Variants in GNG7 observed in about 807,000 individuals in gnomAD.
The protein encoded by GNG7 is guanine nucleotide-binding protein G(I)/G(S)/G(O) subunit gamma-7.
A neutral mutation model predicts 4.0 loss-of-function variants in GNG7; 1 was observed. The observed-to-expected ratio is 0.25, with a 90% CI of 0.09 to 1.18. GNG7 has a LOEUF of 1.18. Ranked by LOEUF, GNG7 falls within the 50% of genes most tolerant of loss-of-function variation. The pLI is 0.50. For synonymous variants in GNG7, 34 were observed against 36.9 expected (o/e 0.92, Z 0.29); for missense variants, 86 against 91.9 (o/e 0.94, Z 0.26).
Position 2,618,558 on chromosome 19 carries a change from A to T in GNG7, c.-78+27666T>A, listed in dbSNP as rs1395826700. Among the ~76,000 whole-genome samples, 1 of 151,954 alleles carries T rather than the reference A, an allele frequency of 6.6e-6. No homozygotes were observed. Among genetic ancestry groups the T allele is most frequent in the Non-Finnish European group, 1.5e-5 (1 of 68,006 alleles). ...GAGACGGGGTTTCGCCATGTTGTCC[A>T]GGCTGGTCTCGAACTCCTGACCTCA... On this transcript the variant is annotated intron_variant, in intron 2 of 4. Coordinates refer to ENST00000382159, the MANE Select transcript of GNG7 (RefSeq NM_052847.3). The surrounding 1 kb of genome is among the most constrained non-coding windows in gnomAD (Gnocchi z 5.1).
chr19:2,661,270 A>AAAGAAAAGAAAGAAAGAAAGG lies in GNG7; in HGVS notation c.-134-14991_-134-14990insCCTTTCTTTCTTTCTTTTCTT, dbSNP rs1568277669. On this transcript the variant is annotated intron_variant, in intron 1 of 4. Coordinates refer to ENST00000382159, the MANE Select transcript of GNG7 (RefSeq NM_052847.3). ...AAAAGAAAGAAAGAAAGAAAGAAAG[A>AAAGAAAAGAAAGAAAGAAAGG]AAAGAAAGAAAGAAAGAAAGAAAGA... 4.2e-5 allele frequency among the ~76,000 whole-genome samples: 3 copies of AAAGAAAAGAAAGAAAGAAAGG among 70,928 alleles called. 1 individual carries two copies. The highest frequency in any genetic ancestry group is 1.9e-4 in the African/African-American group (3 of 15,400). The allele number at this position is 70,928 out of a possible 152,430, so 46.5% of individuals were successfully genotyped here.
In GNG7 at chr19:2,557,911, G is replaced by C. The variant is rs777718162; in HGVS notation, c.-77-2723C>G. On this transcript the variant is annotated intron_variant, in intron 2 of 4. Coordinates refer to ENST00000382159, the MANE Select transcript of GNG7 (RefSeq NM_052847.3). The surrounding 1 kb of genome is among the most constrained non-coding windows in gnomAD (Gnocchi z 5.1). ...GGCTGGACTGCAGTAGTGCGATCTC[G>C]GCTCACTGCAACCTCTGCCTCCTGG... Among the ~76,000 whole-genome samples, 2 of 151,720 alleles carry C rather than the reference G, an allele frequency of 1.3e-5. No homozygotes were observed. Among genetic ancestry groups the C allele is most frequent in the Non-Finnish European group, 2.9e-5 (2 of 67,944 alleles).
chr19:2,696,806 A>AG (rs1041153873), intron 1 of GNG7, among the ~76,000 whole-genome samples: 6 of 152,042 alleles, frequency 3.9e-5, no homozygotes, highest in African/African-American at 1.4e-4. Flanking sequence ...GGGCTGGGGG[A>AG]GGGGGTGGAG....
chr19:2,695,724 C>T (rs965693306), intron 1 of GNG7, among the ~76,000 whole-genome samples: 4 of 152,144 alleles, frequency 2.6e-5, no homozygotes, highest in South Asian at 2.1e-4. Context: ...GGGAAGTGAC[C>T]GTCTGATCAG....
Position 2,526,012 on chromosome 19 carries a change from C to T in GNG7, c.-37-5287G>A, listed in dbSNP as rs548167896. Among the ~76,000 whole-genome samples, 4 of 116,782 alleles carry T rather than the reference C, an allele frequency of 3.4e-5. No individual in the cohort carries two copies. The South Asian group carries it at 8.7e-4, about 25-fold the overall frequency. The allele number at this position is 116,782 out of a possible 152,430, so 76.6% of individuals were successfully genotyped here. A position where few individuals can be genotyped will look rare whatever the true frequency, so the allele number is the denominator to read the frequency against. On this transcript the variant is annotated intron_variant, in intron 3 of 4. Coordinates refer to ENST00000382159, the MANE Select transcript of GNG7 (RefSeq NM_052847.3). Reference sequence around the variant, plus strand: ...TTGAGACAGAGTCTGGCTCTGTCTCCGAGGCTGGAGTGCAGTGGCGCGATC... The same window carrying T: ...TTGAGACAGAGTCTGGCTCTGTCTCTGAGGCTGGAGTGCAGTGGCGCGATC...
chr19:2,534,803 C>T (rs957565146), intron 3 of GNG7, among the ~76,000 whole-genome samples: 2 of 152,258 alleles, frequency 1.3e-5, no homozygotes, highest in Non-Finnish European at 2.9e-5. Flanking sequence ...GATGTTTCCA[C>T]TGGAGTCCAA....
At chr19:2,524,200 G>A (rs1027057659) in intron 3 of GNG7, among the ~76,000 whole-genome samples, 1 of 152,214 alleles carries the variant, frequency 6.6e-6, no homozygotes, top group African/African-American at 2.4e-5. Flanking sequence ...GCCACCGCCC[G>A]CAATTTCCAT....
intron 2 of GNG7, among the ~76,000 whole-genome samples, chr19:2,632,290 G>T (rs532173758): frequency 5.3e-5 from 8 of 152,040 alleles, no homozygotes; most frequent in Non-Finnish European, 1.2e-4. Context: ...TTAGCCAGGC[G>T]TGGTGTCAGG....
intron 3 of GNG7, among the ~76,000 whole-genome samples, chr19:2,542,477 G>C (rs1978994884): frequency 6.6e-6 from 1 of 152,082 alleles, no homozygotes; most frequent in East Asian, 1.9e-4. Flanking sequence ...AAGGAAAGGG[G>C]GACTGCGCCC....
chr19:2,652,853 T>TG (rs1982866958), intron 1 of GNG7, among the ~76,000 whole-genome samples: 1 of 151,764 alleles, frequency 6.6e-6, no homozygotes, highest in Admixed American at 6.6e-5. Flanking sequence ...GAGGTTGAGG[T>TG]GGGAGGATTG....
intron 4 of GNG7, among the ~76,000 whole-genome samples, chr19:2,516,750 C>T (rs142560596): frequency 6.6e-5 from 10 of 152,288 alleles, no homozygotes; most frequent in East Asian, 5.8e-4. Flanking sequence ...CCGGTGAGGA[C>T]GAGATAAGCC....
intron 2 of GNG7, among the ~76,000 whole-genome samples, chr19:2,571,382 T>C (rs1483578212): frequency 6.6e-6 from 1 of 152,142 alleles, no homozygotes; most frequent in Non-Finnish European, 1.5e-5. Flanking sequence ...GGCAAAGATG[T>C]CTACCTATAT....
intron 1 of GNG7, among the ~76,000 whole-genome samples, chr19:2,664,774 C>T (rs1025326184): frequency 3.4e-4 from 52 of 151,998 alleles, no homozygotes; most frequent in African/African-American, 9.9e-4. Context: ...CCCTGGAAAC[C>T]GTGGACATTC....
At chr19:2,681,043 C>T (rs371500302) in intron 1 of GNG7, among the ~76,000 whole-genome samples, 6 of 152,176 alleles carry the variant, frequency 3.9e-5, no homozygotes, top group East Asian at 3.9e-4. Flanking sequence ...AGGACTGACG[C>T]GGAGCATGTT....
intron 2 of GNG7, among the ~76,000 whole-genome samples, chr19:2,583,904 A>G (rs2144793400): frequency 6.6e-6 from 1 of 152,304 alleles, no homozygotes; most frequent in East Asian, 1.9e-4. Flanking sequence ...AAATTAAAAA[A>G]AACAGATTAA....
intron 1 of GNG7, among the ~76,000 whole-genome samples, chr19:2,681,863 C>G (rs1351850600): frequency 6.6e-6 from 1 of 152,152 alleles, no homozygotes; most frequent in African/African-American, 2.4e-5. Flanking sequence ...TTGCATTTCC[C>G]TGAGGACTGA....
At chr19:2,568,112 C>A (rs575228049) in intron 2 of GNG7, among the ~76,000 whole-genome samples, 1 of 151,562 alleles carries the variant, frequency 6.6e-6, no homozygotes, top group Admixed American at 6.6e-5. Context: ...CACACATGCA[C>A]ATACACACAT....
At chr19:2,593,586 A>T (rs935320321) in intron 2 of GNG7, among the ~76,000 whole-genome samples, 1 of 151,956 alleles carries the variant, frequency 6.6e-6, no homozygotes, top group Non-Finnish European at 1.5e-5. Flanking sequence ...TCTACTAAAA[A>T]TACAAAAATT....
intron 1 of GNG7, among the ~76,000 whole-genome samples, chr19:2,683,269 A>G (rs984871592): frequency 2.0e-5 from 3 of 149,904 alleles, no homozygotes; most frequent in Admixed American, 6.6e-5. Flanking sequence ...GGTTCTCACT[A>G]TGTTGCCCTA....
Sources: gnomAD v4.1 joint callset for allele counts (sites outside exome capture counted in the v4.1 genomes callset) on GRCh38, gnomAD v4.1.1 for gene constraint, Gnocchi (gnomAD v3.1) non-coding constraint, MANE v1.5 for transcripts, NCBI Gene and HGNC (gene_info 2026-07-23, HGNC 2026-07-21) for gene names.